The following MTR variants were observed in gnomAD, a reference collection of about 807,000 sequenced individuals.
The protein encoded by MTR is 5-methyltetrahydrofolate-homocysteine methyltransferase, also known as methionine synthase.
In MTR, 84 loss-of-function variants were observed where a neutral mutation model predicts 154.8. That is an observed-to-expected ratio of 0.54 (90% confidence interval 0.45 to 0.65). MTR has a LOEUF of 0.65. Among genes scored for constraint, MTR ranks in the 30% least tolerant of loss-of-function variants. MTR has a pLI of 0.00. For synonymous variants in MTR, 554 were observed against 553.9 expected (o/e 1.00, Z 0.00); for missense variants, 1,275 against 1,570.2 (o/e 0.81, Z 3.18).
chr1:236,799,206 C>T (rs1356841097), intron 1 of MTR, among the ~76,000 whole-genome samples: 5 of 151,980 alleles, frequency 3.3e-5, no homozygotes, highest in African/African-American at 4.8e-5. Flanking sequence ...ACTGCAGCCT[C>T]GACTTCCCAG....
At chr1:236,865,621 G>C (rs966872949) in intron 22 of MTR, among the ~76,000 whole-genome samples, 9 of 152,218 alleles carry the variant, frequency 5.9e-5, no homozygotes, top group African/African-American at 1.9e-4. Flanking sequence ...TGACAGTTCT[G>C]TTTAGAGAGA....
intron 23 of MTR, 69 bp from the exon 24 acceptor site, chr1:236,874,657 C>A: frequency 7.6e-7 from 1 of 1,323,010 alleles, no homozygotes; most frequent in Non-Finnish European, 1.0e-6. Context: ...GATCTTCATC[C>A]TTTTCCTTTT....
At chr1:236,841,732 C>T (rs1663248938) in intron 15 of MTR, among the ~76,000 whole-genome samples, 1 of 151,382 alleles carries the variant, frequency 6.6e-6, no homozygotes, top group East Asian at 1.9e-4. Context: ...ATTTTTGAAA[C>T]CTTACGTGTC....
intron 1 of MTR, among the ~76,000 whole-genome samples, chr1:236,800,644 A>G (rs1311311678): frequency 1.3e-5 from 2 of 152,202 alleles, no homozygotes; most frequent in Non-Finnish European, 2.9e-5. Context: ...TTCAGGCTTT[A>G]CATGATTTTT....
At chr1:236,853,371 A>G (rs1003892101) in intron 18 of MTR, among the ~76,000 whole-genome samples, 2 of 152,252 alleles carry the variant, frequency 1.3e-5, no homozygotes, top group Non-Finnish European at 1.5e-5. Flanking sequence ...TATTAGTTCT[A>G]GAAAATTTAC....
chr1:236,801,591 C>T lies in MTR; in HGVS notation c.35-1837C>T, dbSNP rs74827120. The stretch of plus-strand genomic sequence containing the variant: ...TAAATTATCTTTGCCTCTTCTTTCT[C>T]ATCTTCCCTCACTTTTTTGTCATTT... On this transcript the variant is annotated intron_variant, in intron 1 of 32. Transcript: ENST00000366577. 2.6e-5 allele frequency among the ~76,000 whole-genome samples: 4 copies of T among 152,320 alleles called. No individual in the cohort carries two copies. In the East Asian group the frequency reaches 7.7e-4, roughly 29 times the overall value.
At chr1:236,800,830 A>G (rs1015279675) in intron 1 of MTR, among the ~76,000 whole-genome samples, 1 of 152,220 alleles carries the variant, frequency 6.6e-6, no homozygotes, top group Non-Finnish European at 1.5e-5. Flanking sequence ...TTCTTAACAC[A>G]TGGTCTCATT....
At chr1:236,828,168 G>A (rs1216354719) in intron 11 of MTR, among the ~76,000 whole-genome samples, 2 of 152,046 alleles carry the variant, frequency 1.3e-5, no homozygotes, top group South Asian at 2.1e-4. Context: ...TAGTAGAGAC[G>A]GGGTTTCACC....
rs975395025 is a variant in MTR at position 236,852,446 on chromosome 1, T to C, written c.1696-75T>C. 4.7e-6 allele frequency: 5 copies of C among 1,068,346 alleles called. No individual in the cohort carries two copies. The African/African-American group carries it at 7.8e-5, about 17-fold the overall frequency. 66.2% of individuals were successfully genotyped at this position (1,068,346 alleles called of 1,614,324 possible). A position where few individuals can be genotyped will look rare whatever the true frequency, so the allele number is the denominator to read the frequency against. ...TTGTTTTTTTTTCTTTCCACTCCTA[T>C]ATAAAGCTTAAGAGATGTGATTGCT... On this transcript the variant is annotated intron_variant, in intron 16 of 32. Transcript: ENST00000366577.
At chr1:236,876,298 T>A (rs1665428904) in intron 24 of MTR, among the ~76,000 whole-genome samples, 1 of 152,206 alleles carries the variant, frequency 6.6e-6, no homozygotes, top group Admixed American at 6.5e-5. Context: ...GATTCGATAG[T>A]TTGACTATCG....
chr1:236,798,656 A>G (rs2102995575), intron 1 of MTR, among the ~76,000 whole-genome samples: 1 of 152,376 alleles, frequency 6.6e-6, no homozygotes, highest in African/African-American at 2.4e-5. Flanking sequence ...ATAGTGTTAT[A>G]ACTAGTCAGC....
At chr1:236,795,762 G>T (rs1311933312) in intron 1 of MTR, 25 bp downstream of exon 1, 1 of 1,613,976 alleles carries the variant, frequency 6.2e-7, no homozygotes, top group Non-Finnish European at 8.5e-7. Flanking sequence ...CCGTCTGCGT[G>T]GTTGGGTTGT....
intron 5 of MTR, among the ~76,000 whole-genome samples, chr1:236,811,422 A>G (rs1572194662): frequency 6.6e-6 from 1 of 152,232 alleles, no homozygotes; most frequent in Non-Finnish European, 1.5e-5. Context: ...ATCTAGGTCA[A>G]TTTCTAAGCA....
At chr1:236,847,413 AT>A (rs1472934037) in intron 15 of MTR, among the ~76,000 whole-genome samples, 1 of 152,198 alleles carries the variant, frequency 6.6e-6, no homozygotes, top group African/African-American at 2.4e-5. Context: ...CAAATCAAAA[AT>A]TGTTTTATTG....
intron 25 of MTR, among the ~76,000 whole-genome samples, chr1:236,884,405 A>G (rs1032623156): frequency 2.0e-5 from 3 of 152,240 alleles, no homozygotes; most frequent in African/African-American, 7.2e-5. Flanking sequence ...TCCCAAGACC[A>G]CCTTCAGGTT....
Position 236,903,810 on chromosome 1 carries a change from C to T in MTR, c.*6166C>T, listed in dbSNP as rs982360008. 1 of 152,154 alleles carries T rather than the reference C, an allele frequency of 6.6e-6. No homozygotes were observed. Among genetic ancestry groups the T allele is most frequent in the African/African-American group, 2.4e-5 (1 of 41,438 alleles). The allele number at this position is 152,154 out of a possible 1,614,324, so 9.4% of individuals were successfully genotyped here. On this transcript the variant is annotated 3_prime_UTR_variant, in exon 33 of 33. Transcript: ENST00000366577. ...TCGGCAAAGAGAAAAAGGACATTTC[C>T]CTCCAGGTTATCTGAAAGAATTTCA...
chr1:236,885,252 T>A, intron 26 of MTR, 33 bp downstream of exon 26: 1 of 1,343,644 alleles, frequency 7.4e-7, no homozygotes, highest in Non-Finnish European at 1.1e-6. Flanking sequence ...TGCTTGTTTT[T>A]AATGTGACTG....
At chr1:236,872,164 T>A (rs1665170492) in intron 22 of MTR, among the ~76,000 whole-genome samples, 1 of 152,208 alleles carries the variant, frequency 6.6e-6, no homozygotes, top group Admixed American at 6.5e-5. Context: ...TAGAAGTAAT[T>A]CCTAGAACAT....
At chr1:236,891,072 G>A (rs1307182205) in intron 28 of MTR, 61 bp from the exon 29 acceptor site, 10 of 1,566,812 alleles carry the variant, frequency 6.4e-6, no homozygotes, top group Admixed American at 1.7e-5. Context: ...TTTAAAAGAA[G>A]CATTGTTTGA....
Sources: allele counts gnomAD v4.1 joint callset (sites outside exome capture counted in the v4.1 genomes callset), GRCh38; gene constraint gnomAD v4.1.1; transcripts MANE v1.5; gene names NCBI Gene and HGNC (gene_info 2026-07-23, HGNC 2026-07-21).